IFT80: variants seen among roughly 807,000 people sequenced by gnomAD.
IFT80 encodes intraflagellar transport 80.
A neutral mutation model predicts 107.9 loss-of-function variants in IFT80; 79 were observed. That is an observed-to-expected ratio of 0.73 (90% CI 0.61 to 0.88). The LOEUF is 0.88. IFT80 is among the 40% of genes least tolerant of loss of function. IFT80 has a pLI of 0.00. For missense variants in IFT80, 797 were observed against 914.2 expected, an observed-to-expected ratio of 0.87 and a Z score of 1.65; for synonymous variants, 299 against 300.9, an observed-to-expected ratio of 0.99 and a Z score of 0.07.
chr3:160,376,021 C>T (rs1437710259), intron 4 of IFT80, 141 bp from the exon 5 acceptor site: 1 of 626,534 alleles, frequency 1.6e-6, no homozygotes, highest in African/African-American at 1.9e-5. Flanking sequence ...AATATTACTA[C>T]ATATTTAAAA....
chr3:160,282,632 G>T lies in IFT80; in HGVS notation c.1381-19C>A. 1.4e-6 allele frequency: 2 copies of T among 1,450,826 alleles called. No individual in the cohort carries two copies. The highest frequency in any genetic ancestry group is 1.9e-6 in the Non-Finnish European group (2 of 1,036,056). 89.9% of individuals were successfully genotyped at this position (1,450,826 alleles called of 1,614,324 possible). Reference sequence around the variant, plus strand: ...TTTCATTCTAAAATTTTTTTTAAATGTAAATACTGGGTTAGTTTTAGTGTT... The same window carrying T: ...TTTCATTCTAAAATTTTTTTTAAATTTAAATACTGGGTTAGTTTTAGTGTT... On this transcript the variant is annotated intron_variant, in intron 13 of 19. Transcript: ENST00000326448.
intron 8 of IFT80, among the ~76,000 whole-genome samples, chr3:160,324,433 G>C (rs1718517859): frequency 6.6e-6 from 1 of 152,072 alleles, no homozygotes; most frequent in Admixed American, 6.6e-5. Flanking sequence ...TATCCACCAT[G>C]ATCAAGTGGG....
intron 8 of IFT80, among the ~76,000 whole-genome samples, chr3:160,332,112 A>T (rs1448427644): frequency 6.6e-6 from 1 of 152,088 alleles, no homozygotes; most frequent in Non-Finnish European, 1.5e-5. Context: ...TAGAGTCTTG[A>T]TCAGATTCAG....
At chr3:160,270,082 C>A (rs1275117473) in intron 18 of IFT80, among the ~76,000 whole-genome samples, 2 of 152,200 alleles carry the variant, frequency 1.3e-5, no homozygotes, top group African/African-American at 4.8e-5. Context: ...CTCACTGCAA[C>A]CTCTGCTGCC....
chr3:160,390,862 C>T (rs1258567039), intron 1 of IFT80, among the ~76,000 whole-genome samples: 4 of 152,086 alleles, frequency 2.6e-5, no homozygotes, highest in African/African-American at 4.8e-5. Context: ...GACTCAACTC[C>T]GGAGGCAGAG....
chr3:160,389,724 C>CT (rs1713220343), intron 1 of IFT80, among the ~76,000 whole-genome samples: 1 of 151,996 alleles, frequency 6.6e-6, no homozygotes, highest in African/African-American at 2.4e-5. Flanking sequence ...TTAATCCAGT[C>CT]TATCATTGTT....
At chr3:160,362,906 A>G (rs1435261965) in intron 6 of IFT80, among the ~76,000 whole-genome samples, 2 of 152,208 alleles carry the variant, frequency 1.3e-5, no homozygotes, top group African/African-American at 4.8e-5. Flanking sequence ...CCCACAGCCA[A>G]TATCATACTG....
At position 160,258,252 on chromosome 3, in the gene IFT80, G is replaced by T; in HGVS notation, c.*273C>A. 2.4e-6 allele frequency: 1 copy of T among 421,310 alleles called. No homozygotes were observed. The highest frequency in any genetic ancestry group is 4.3e-6 in the Non-Finnish European group (1 of 235,120). The allele number at this position is 421,310 out of a possible 1,614,324, so 26.1% of individuals were successfully genotyped here. On this transcript the variant is annotated 3_prime_UTR_variant, in exon 20 of 20. Transcript: ENST00000326448. The stretch of plus-strand genomic sequence containing the variant: ...CTGAAGATTTAGGGATGAAGTAATG[G>T]GCAAAAAACTGACATATAATCGACA...
intron 19 of IFT80, among the ~76,000 whole-genome samples, chr3:160,264,578 C>A (rs1378711167): frequency 6.7e-6 from 1 of 149,684 alleles, no homozygotes; most frequent in Non-Finnish European, 1.5e-5. Context: ...ACTACAGGTG[C>A]ATGTCACCAT....
In IFT80 at chr3:160,258,732, C is replaced by T. The variant is rs1028469433; in HGVS notation, c.2224-97G>A. The T allele has an allele frequency of 2.1e-6, 3 of 1,397,130 alleles. No homozygotes were observed. The African/African-American group carries it at 4.3e-5, about 20-fold the overall frequency. 86.5% of individuals were successfully genotyped at this position (1,397,130 alleles called of 1,614,324 possible). A position where few individuals can be genotyped will look rare whatever the true frequency, so the allele number is the denominator to read the frequency against. On this transcript the variant is annotated intron_variant, in intron 19 of 19. Coordinates refer to ENST00000326448, the MANE Select transcript of IFT80 (RefSeq NM_020800.3). Reference sequence around the variant, plus strand: ...AAGAGTAAACAGATAGACTGTGTGACTTCCAAAAGATTAGAGAAAAAGAGA... The same window carrying T: ...AAGAGTAAACAGATAGACTGTGTGATTTCCAAAAGATTAGAGAAAAAGAGA...
chr3:160,363,640 G>A (rs1450819607), intron 6 of IFT80, among the ~76,000 whole-genome samples: 1 of 152,026 alleles, frequency 6.6e-6, no homozygotes, highest in Non-Finnish European at 1.5e-5. Flanking sequence ...CAACAGCATG[G>A]TACTGGTACC....
intron 8 of IFT80, among the ~76,000 whole-genome samples, chr3:160,324,810 T>C (rs1338883287): frequency 6.6e-6 from 1 of 151,992 alleles, no homozygotes; most frequent in African/African-American, 2.4e-5. Flanking sequence ...AAATAAAGGG[T>C]ATTCAATTAG....
chr3:160,320,754 G>T (rs1329006217), intron 8 of IFT80, among the ~76,000 whole-genome samples: 1 of 151,128 alleles, frequency 6.6e-6, no homozygotes, highest in Non-Finnish European at 1.5e-5. Flanking sequence ...CTCTCGGCTG[G>T]ATATATATAC....
chr3:160,271,531 A>G (rs566451478), intron 18 of IFT80, among the ~76,000 whole-genome samples: 11 of 152,248 alleles, frequency 7.2e-5, no homozygotes, highest in African/African-American at 2.6e-4. Flanking sequence ...ACTACTACCA[A>G]ATGTCCAAAG....
rs557463892 is a variant in IFT80 at position 160,333,465 on chromosome 3, TTG to T, written c.778-13528_778-13527del. Among the ~76,000 whole-genome samples the T allele has an allele frequency of 1.8e-3, 273 of 152,348 alleles. 1 individual carries two copies. The highest frequency in any genetic ancestry group is 4.1e-3 in the Admixed American group (62 of 15,296). On this transcript the variant is annotated intron_variant, in intron 8 of 19. Coordinates refer to ENST00000326448, the MANE Select transcript of IFT80 (RefSeq NM_020800.3). ...AACACTAAACTTAAAATAAAACACG[TTG>T]TGACAGCTGTACAAATATATTTTCT...
At chr3:160,294,279 C>T (rs1002942971) in intron 12 of IFT80, among the ~76,000 whole-genome samples, 5 of 152,052 alleles carry the variant, frequency 3.3e-5, no homozygotes, top group African/African-American at 7.2e-5. Flanking sequence ...GGTGCAGTGG[C>T]GTGATCTCAG....
At chr3:160,299,832 C>T (rs879489000) in intron 12 of IFT80, among the ~76,000 whole-genome samples, 8 of 152,008 alleles carry the variant, frequency 5.3e-5, no homozygotes, top group South Asian at 2.1e-4. Flanking sequence ...GTTTGCAGAC[C>T]GACCCCCTCC....
At chr3:160,391,346 T>C (rs1713366406) in intron 1 of IFT80, among the ~76,000 whole-genome samples, 1 of 152,196 alleles carries the variant, frequency 6.6e-6, no homozygotes, top group African/African-American at 2.4e-5. Context: ...CAGTGAGTTA[T>C]CTAAGGAACC....
At chr3:160,346,605 T>C (rs953458998) in intron 8 of IFT80, among the ~76,000 whole-genome samples, 1 of 152,130 alleles carries the variant, frequency 6.6e-6, no homozygotes, top group African/African-American at 2.4e-5. Context: ...AAGGCTTGCA[T>C]TGTTGCTTGT....
Sources: gnomAD v4.1 joint callset for allele counts (sites outside exome capture counted in the v4.1 genomes callset) on GRCh38, gnomAD v4.1.1 for gene constraint, MANE v1.5 for transcripts, NCBI Gene and HGNC (gene_info 2026-07-23, HGNC 2026-07-21) for gene names.